FSTL4: variants seen among roughly 807,000 people sequenced by gnomAD.
FSTL4 encodes follistatin like 4, also known as follistatin-related protein 4.
Under a neutral mutation model 78.2 loss-of-function variants are expected in FSTL4, and 28 were observed. The observed-to-expected ratio is 0.36, with a 90% CI of 0.27 to 0.49. The LOEUF is 0.49. FSTL4 is among the 20% of genes least tolerant of loss of function. FSTL4 has a pLI of 0.98. For synonymous variants in FSTL4, 422 were observed against 440.5 expected, an observed-to-expected ratio of 0.96 and a Z score of 0.53; for missense variants, 922 against 1,084.9, an observed-to-expected ratio of 0.85 and a Z score of 2.11.
chr5:133,476,923 A>G (rs182386681), intron 3 of FSTL4, among the ~76,000 whole-genome samples: 73 of 152,334 alleles, frequency 4.8e-4, no homozygotes, highest in African/African-American at 1.7e-3. Flanking sequence ...TGACCCACCT[A>G]AAGTTTACAC....
chr5:133,560,077 T>A (rs1381959167), intron 3 of FSTL4, among the ~76,000 whole-genome samples: 1 of 152,206 alleles, frequency 6.6e-6, no homozygotes, highest in Non-Finnish European at 1.5e-5. Context: ...GAGGCAGACA[T>A]CTGACCCCTG....
intron 6 of FSTL4, among the ~76,000 whole-genome samples, chr5:133,295,594 A>T (rs186858274): frequency 6.6e-6 from 1 of 152,094 alleles, no homozygotes; most frequent in Non-Finnish European, 1.5e-5. Context: ...ACCCAATCCA[A>T]TGAGACTTTT....
chr5:133,271,527 C>T (rs994651957), intron 6 of FSTL4, among the ~76,000 whole-genome samples: 2 of 152,090 alleles, frequency 1.3e-5, no homozygotes, highest in Non-Finnish European at 2.9e-5. Flanking sequence ...GCCTTTCCTG[C>T]CCCCCACCGC....
chr5:133,436,068 A>T (rs1757026497), intron 3 of FSTL4, among the ~76,000 whole-genome samples: 2 of 152,212 alleles, frequency 1.3e-5, no homozygotes. Flanking sequence ...ACAAAAAAAT[A>T]CAATGCTTAC....
chr5:133,559,494 G>A (rs1405384238), intron 3 of FSTL4, among the ~76,000 whole-genome samples: 1 of 152,142 alleles, frequency 6.6e-6, no homozygotes, highest in Non-Finnish European at 1.5e-5. Context: ...TGGAGGGGCA[G>A]GATCAGCGTG....
intron 6 of FSTL4, among the ~76,000 whole-genome samples, chr5:133,254,893 C>T (rs1239190130): frequency 1.3e-5 from 2 of 152,204 alleles, no homozygotes; most frequent in Non-Finnish European, 2.9e-5. Context: ...ACCTCACCTG[C>T]GCTGGCCACA....
chr5:133,561,220 A>T (rs1285880131), intron 3 of FSTL4, among the ~76,000 whole-genome samples: 1 of 152,024 alleles, frequency 6.6e-6, no homozygotes, highest in Non-Finnish European at 1.5e-5. Flanking sequence ...GAACTGGCTT[A>T]CTTGAGAAAG....
At chr5:133,457,326 C>T (rs1159931402) in intron 3 of FSTL4, among the ~76,000 whole-genome samples, 1 of 152,134 alleles carries the variant, frequency 6.6e-6, no homozygotes, top group African/African-American at 2.4e-5. Context: ...AGCCTTTCAC[C>T]CTGCTGCTAC....
At position 133,205,133 on chromosome 5, in the gene FSTL4, A is replaced by G. The variant is rs544684520; in HGVS notation, c.1717-3091T>C. ...AACTATTGGTTATTGGTTTTGGAGA[A>G]GTAGTCTTTATTATATTTAAAGAAT... On this transcript the variant is annotated intron_variant, in intron 14 of 15. Coordinates refer to ENST00000265342, the MANE Select transcript of FSTL4 (RefSeq NM_015082.2). Among the ~76,000 whole-genome samples, 89 of 152,332 alleles carry G rather than the reference A, an allele frequency of 5.8e-4. 1 individual carries two copies. The highest frequency in any genetic ancestry group is 3.4e-3 in the Middle Eastern group (1 of 294).
the FSTL4 span, among the ~76,000 whole-genome samples, chr5:133,752,417 G>C: frequency 1.3e-5 from 2 of 152,048 alleles, no homozygotes; most frequent in Non-Finnish European, 2.9e-5. Context: ...AGGAGTTTGA[G>C]ACCAGCCTGG....
At chr5:133,318,228 G>A (rs1753956468) in intron 4 of FSTL4, among the ~76,000 whole-genome samples, 2 of 152,178 alleles carry the variant, frequency 1.3e-5, no homozygotes, top group Non-Finnish European at 2.9e-5. Context: ...CACCTTGCTT[G>A]CATCCCTCTT....
intron 4 of FSTL4, among the ~76,000 whole-genome samples, chr5:133,379,761 T>C (rs1755520556): frequency 6.6e-6 from 1 of 152,134 alleles, no homozygotes; most frequent in African/African-American, 2.4e-5. Flanking sequence ...GAGAGAAACT[T>C]GTAGCTATTA....
chr5:133,494,775 C>T (rs1758336494), intron 3 of FSTL4, among the ~76,000 whole-genome samples: 4 of 152,198 alleles, frequency 2.6e-5, no homozygotes, highest in African/African-American at 7.2e-5. Context: ...GGCCTGTGGC[C>T]CGGGTGTGCT....
At chr5:133,787,843 C>T in the FSTL4 span, among the ~76,000 whole-genome samples, 25 of 152,266 alleles carry the variant, frequency 1.6e-4, no homozygotes, top group Non-Finnish European at 3.5e-4. Flanking sequence ...TCCAGCTCCA[C>T]CCTCCCCTGT....
chr5:133,743,818 C>A, the FSTL4 span, among the ~76,000 whole-genome samples: 2 of 152,184 alleles, frequency 1.3e-5, no homozygotes, highest in Non-Finnish European at 2.9e-5. Context: ...CCATTTGGTT[C>A]CCATACCCCA....
At chr5:133,467,260 G>C (rs990203677) in intron 3 of FSTL4, among the ~76,000 whole-genome samples, 6 of 146,148 alleles carry the variant, frequency 4.1e-5, no homozygotes, top group Non-Finnish European at 7.6e-5. Context: ...ATATGTGAGT[G>C]TGTGTGTGTG....
At chr5:133,659,442 A>G in the FSTL4 span, among the ~76,000 whole-genome samples, 3,459 of 151,494 alleles carry the variant, frequency 0.023, 143 homozygotes, top group African/African-American at 0.078. Context: ...ATCTTTTCCT[A>G]TCTTTTCTGT....
the FSTL4 span, among the ~76,000 whole-genome samples, chr5:133,727,033 A>T: frequency 6.6e-6 from 1 of 152,280 alleles, no homozygotes; most frequent in South Asian, 2.1e-4. Flanking sequence ...ACCGGGTGGC[A>T]GGTGGGGAAC....
chr5:133,295,900 T>G (rs527965763), intron 6 of FSTL4, among the ~76,000 whole-genome samples: 1 of 152,322 alleles, frequency 6.6e-6, no homozygotes, highest in South Asian at 2.1e-4. Context: ...TCTATCCACA[T>G]TCACCTACTC....
Sources: allele counts gnomAD v4.1 joint callset (sites outside exome capture counted in the v4.1 genomes callset), GRCh38; gene constraint gnomAD v4.1.1; transcripts MANE v1.5; gene names NCBI Gene and HGNC (gene_info 2026-07-23, HGNC 2026-07-21).